Variants in CEMIP2 observed in about 807,000 individuals in gnomAD.
The protein encoded by CEMIP2 is cell migration inducing hyaluronidase 2.
CEMIP2 carries 79 observed loss-of-function variants against 146.9 expected under a neutral mutation model. That is an observed-to-expected ratio of 0.54 (90% CI 0.45 to 0.65). CEMIP2 has a LOEUF of 0.65. Among genes scored for constraint, CEMIP2 ranks in the 30% least tolerant of loss-of-function variants. The pLI is 0.00. For synonymous variants in CEMIP2, 601 were observed against 606.3 expected (o/e 0.99, Z 0.13); for missense variants, 1,596 against 1,696.2 (o/e 0.94, Z 1.04).
At chr9:71,717,825 G>A (rs1237475223) in intron 13 of CEMIP2, 123 bp downstream of exon 13, 3 of 963,088 alleles carry the variant, frequency 3.1e-6, no homozygotes, top group Non-Finnish European at 2.9e-6. Context: ...AGCTTGTCCT[G>A]TCTTAATAAT....
chr9:71,686,091 C>G, intron 22 of CEMIP2: 1 of 413,696 alleles, frequency 2.4e-6, no homozygotes, highest in Non-Finnish European at 4.4e-6. Context: ...GTACGTTCAC[C>G]TAGTGCAGGG....
Position 71,704,807 on chromosome 9 carries a change from G to T in CEMIP2, c.2986-4C>A. 6.2e-7 allele frequency: 1 copy of T among 1,609,478 alleles called. No homozygotes were observed. Among genetic ancestry groups the T allele is most frequent in the Non-Finnish European group, 8.5e-7 (1 of 1,177,210 alleles). Reference sequence around the variant, plus strand: ...TGCTCCATGTCTGTACATAGACCTTGAAAAAATAATCAAGAAGTAAAGGGA... The same window carrying T: ...TGCTCCATGTCTGTACATAGACCTTTAAAAAATAATCAAGAAGTAAAGGGA... On this transcript the variant is annotated splice_region_variant and splice_polypyrimidine_tract_variant and intron_variant, in intron 17 of 23. Coordinates refer to ENST00000377044, the MANE Select transcript of CEMIP2 (RefSeq NM_013390.3).
At chr9:71,697,832 C>T (rs967554100) in intron 20 of CEMIP2, 153 bp downstream of exon 20, 6 of 701,684 alleles carry the variant, frequency 8.6e-6, no homozygotes, top group South Asian at 4.0e-5. Flanking sequence ...GCTTCTTACG[C>T]GCTTCACATT....
chr9:71,693,999 C>G (rs1048769406), intron 21 of CEMIP2, among the ~76,000 whole-genome samples: 9 of 152,230 alleles, frequency 5.9e-5, no homozygotes, highest in African/African-American at 2.2e-4. Context: ...TAAGAAGGCA[C>G]CATCTATGAA....
At chr9:71,751,971 T>C (rs1004307721) in intron 1 of CEMIP2, among the ~76,000 whole-genome samples, 2 of 152,240 alleles carry the variant, frequency 1.3e-5, no homozygotes, top group African/African-American at 2.4e-5. Flanking sequence ...ACAAATATTA[T>C]GGTTAAGATT....
rs1822340849 is a variant in CEMIP2 at position 71,694,614 on chromosome 9, A to G, written c.3598-7T>C. The G allele has an allele frequency of 4.4e-6, 7 of 1,595,994 alleles. No individual in the cohort carries two copies. Among genetic ancestry groups the G allele is most frequent in the Non-Finnish European group, 6.0e-6 (7 of 1,163,836 alleles). On this transcript the variant is annotated splice_region_variant and splice_polypyrimidine_tract_variant and intron_variant, in intron 20 of 23. Transcript: ENST00000377044. ...GATCACTAGTAAACACCACCTAGACAGAGAAGAAGTTCCATATTTATGGCA... is the reference window on the plus strand; with the variant it reads ...GATCACTAGTAAACACCACCTAGACGGAGAAGAAGTTCCATATTTATGGCA...
chr9:71,732,680 C>A (rs951825576), intron 6 of CEMIP2, among the ~76,000 whole-genome samples, 160 bp from the exon 7 acceptor site: 3 of 139,458 alleles, frequency 2.2e-5, no homozygotes, highest in Non-Finnish European at 4.5e-5. Context: ...TCCCAGGACA[C>A]GGGGAATTTT....
intron 15 of CEMIP2, among the ~76,000 whole-genome samples, chr9:71,713,306 G>A (rs1237958589): frequency 6.6e-6 from 1 of 152,112 alleles, no homozygotes; most frequent in African/African-American, 2.4e-5. Context: ...GTTTTAAAAA[G>A]AGAGCACAAG....
At chr9:71,742,115 T>G (rs1823938638) in intron 4 of CEMIP2, among the ~76,000 whole-genome samples, 1 of 152,114 alleles carries the variant, frequency 6.6e-6, no homozygotes, top group South Asian at 2.1e-4. Context: ...AAATAACAAA[T>G]GTAATCTGTG....
intron 2 of CEMIP2, among the ~76,000 whole-genome samples, chr9:71,748,727 G>GTCTACTTGT (rs1824159938): frequency 6.6e-6 from 1 of 152,166 alleles, no homozygotes; most frequent in Non-Finnish European, 1.5e-5. Context: ...TCATAATGTG[G>GTCTACTTGT]TCTACTTGTT....
intron 1 of CEMIP2, among the ~76,000 whole-genome samples, chr9:71,754,228 T>G (rs547491892): frequency 6.6e-6 from 1 of 152,308 alleles, no homozygotes; most frequent in African/African-American, 2.4e-5. Context: ...AAAAAAGATT[T>G]TTTAAAGAAA....
At chr9:71,729,122 G>A (rs923395555) in intron 10 of CEMIP2, among the ~76,000 whole-genome samples, 1 of 151,980 alleles carries the variant, frequency 6.6e-6, no homozygotes, top group African/African-American at 2.4e-5. Flanking sequence ...TTACAGGCGT[G>A]AGCCACTGTG....
intron 22 of CEMIP2, among the ~76,000 whole-genome samples, chr9:71,687,737 G>A (rs1238715960): frequency 6.6e-6 from 1 of 152,112 alleles, no homozygotes; most frequent in Non-Finnish European, 1.5e-5. Context: ...CTGGTGGTGT[G>A]CACGTGTAGT....
In CEMIP2 at chr9:71,730,053, G is replaced by T. The variant is rs777810498; in HGVS notation, c.1974C>A (p.Asp658Glu). Residue 658 changes from aspartate (D) to glutamate (E), a missense_variant, in exon 9 of 24, where the codon GAC becomes GAA. Transcript: ENST00000377044. ...FGNYIPVPAT[D>E]CMAVSTFWIA... is the part of the protein sequence containing the mutation. ...TCTCTCCGCCAATTACTCACATACA[G>T]TCAGTAGCAGGCACAGGAATGTAAT... The T allele has an allele frequency of 6.2e-7, 1 of 1,613,990 alleles. No individual in the cohort carries two copies. Among genetic ancestry groups the T allele is most frequent in the African/African-American group, 1.3e-5 (1 of 74,890 alleles).
At chr9:71,731,956 T>C (rs911613713) in intron 7 of CEMIP2, among the ~76,000 whole-genome samples, 15 of 152,240 alleles carry the variant, frequency 9.9e-5, no homozygotes, top group African/African-American at 3.6e-4. Flanking sequence ...ATATTTTGCA[T>C]GTGCTTGCTA....
In CEMIP2 at chr9:71,685,264, C is replaced by T; in HGVS notation, c.4085G>A (p.Cys1362Tyr). Residue 1362 changes from cysteine (C) to tyrosine (Y), a missense_variant, in exon 24 of 24, where the codon TGT becomes TAT. By Grantham distance (194) the Cys-to-Tyr change is radical. Coordinates refer to ENST00000377044, the MANE Select transcript of CEMIP2 (RefSeq NM_013390.3). ...FIPLQLDEYG[C>Y]PRATTVRRRD... ...TCTGCGGACAGTGGTGGCTCTGGGA[C>T]AACCATATTCGTCCAGCTGCAAAGG... is the stretch of plus-strand genomic sequence containing the variant. 2.5e-6 allele frequency: 4 copies of T among 1,613,734 alleles called. No individual in the cohort carries two copies. Among genetic ancestry groups the T allele is most frequent in the Non-Finnish European group, 3.4e-6 (4 of 1,179,934 alleles).
At chr9:71,719,772 T>C (rs1025401836) in intron 12 of CEMIP2, among the ~76,000 whole-genome samples, 5 of 144,688 alleles carry the variant, frequency 3.5e-5, no homozygotes, top group African/African-American at 1.3e-4. Flanking sequence ...CCAAACAGCT[T>C]TGTAGTCATT....
At position 71,715,010 on chromosome 9, in the gene CEMIP2, C is replaced by T. The variant is rs1156285025; in HGVS notation, c.2515G>A (p.Gly839Ser). 25 of 1,613,818 alleles carry T rather than the reference C, an allele frequency of 1.5e-5. No individual in the cohort carries two copies. The highest frequency in any genetic ancestry group is 3.3e-5 in the Admixed American group (2 of 59,950). Reference protein sequence around the residue: ...SLFVGESRNYGFQGGQNKYVG... With the variant: ...SLFVGESRNYSFQGGQNKYVG... Reference sequence around the variant, plus strand: ...TACTTGTTCTGACCACCCTGAAAGCCGTAATTCCTGCTCTCCCCAACAAAG... The same window carrying T: ...TACTTGTTCTGACCACCCTGAAAGCTGTAATTCCTGCTCTCCCCAACAAAG... Residue 839 changes from glycine to serine, a missense_variant, in exon 15 of 24, where the codon GGC becomes AGC. Gly to Ser is a moderately conservative substitution (Grantham distance 56). Transcript: ENST00000377044.
intron 23 of CEMIP2, 110 bp downstream of exon 23, chr9:71,685,632 AC>A: frequency 1.1e-6 from 1 of 927,966 alleles, no homozygotes. Flanking sequence ...TCTTAATGAT[AC>A]CCACTCCAGC....
Sources: gnomAD v4.1 joint callset for allele counts (sites outside exome capture counted in the v4.1 genomes callset) on GRCh38, gnomAD v4.1.1 for gene constraint, MANE v1.5 for transcripts, NCBI Gene and HGNC (gene_info 2026-07-23, HGNC 2026-07-21) for gene names.